The following GALNT17 variants were observed in gnomAD, a reference collection of about 807,000 sequenced individuals.
GALNT17 encodes the protein UDP-GalNAc:polypeptide N-acetylgalactosaminyltransferase-like 3.
GALNT17 carries 29 observed loss-of-function variants against 63.7 expected under a neutral mutation model. The observed-to-expected ratio is 0.46, with a 90% CI of 0.34 to 0.62. The LOEUF is 0.62. Ranked by LOEUF, GALNT17 falls within the 20% of genes least tolerant of loss-of-function variation. The pLI is 0.01. For missense variants in GALNT17, 603 were observed against 799.6 expected (o/e 0.75, Z 2.97); for synonymous variants, 305 against 318.3 (o/e 0.96, Z 0.45).
At chr7:71,478,131 C>T (rs1233265432) in intron 5 of GALNT17, among the ~76,000 whole-genome samples, 1 of 152,112 alleles carries the variant, frequency 6.6e-6, no homozygotes, top group African/African-American at 2.4e-5. Context: ...ATGTTTACGT[C>T]TCTTCTAAAC....
At chr7:71,332,513 G>C (rs1321724752) in intron 1 of GALNT17, among the ~76,000 whole-genome samples, 1 of 151,988 alleles carries the variant, frequency 6.6e-6, no homozygotes, top group Non-Finnish European at 1.5e-5. Flanking sequence ...TTTCTTTCTT[G>C]CAAGGTCACC....
At chr7:71,567,752 C>T (rs375804485) in intron 5 of GALNT17, among the ~76,000 whole-genome samples, 38 of 152,276 alleles carry the variant, frequency 2.5e-4, no homozygotes, top group Middle Eastern at 3.4e-3. Context: ...TGTGAGCCAC[C>T]GCACCCAGCC....
At chr7:71,694,057 G>A (rs1330742050) in intron 9 of GALNT17, among the ~76,000 whole-genome samples, 6 of 152,088 alleles carry the variant, frequency 3.9e-5, no homozygotes, top group African/African-American at 1.2e-4. Flanking sequence ...CACGTGGCTG[G>A]GGAGGCCTCA....
chr7:71,324,527 A>G (rs1302291418), intron 1 of GALNT17, among the ~76,000 whole-genome samples: 1 of 152,148 alleles, frequency 6.6e-6, no homozygotes, highest in African/African-American at 2.4e-5. Context: ...GCATGGTGGC[A>G]TATGCCTGTA....
chr7:71,250,004 T>A (rs1790167042), intron 1 of GALNT17, among the ~76,000 whole-genome samples: 1 of 152,244 alleles, frequency 6.6e-6, no homozygotes, highest in Non-Finnish European at 1.5e-5. Flanking sequence ...AAAATCTGTT[T>A]CCAAGTTTTT....
At chr7:71,382,596 A>C (rs1407007697) in intron 2 of GALNT17, among the ~76,000 whole-genome samples, 3 of 152,090 alleles carry the variant, frequency 2.0e-5, no homozygotes, top group African/African-American at 7.2e-5. Flanking sequence ...AGTAACCGAA[A>C]CGAGGTGGTC....
chr7:71,405,208 CACA>C (rs1451611669), intron 3 of GALNT17, among the ~76,000 whole-genome samples: 1 of 152,208 alleles, frequency 6.6e-6, no homozygotes, highest in African/African-American at 2.4e-5. Context: ...CTTGAGATTT[CACA>C]ACATCACATT....
chr7:71,263,925 A>G (rs1304375056), intron 1 of GALNT17, among the ~76,000 whole-genome samples: 2 of 152,170 alleles, frequency 1.3e-5, no homozygotes. Flanking sequence ...TTCCGTCCCA[A>G]AAAAACAAAA....
rs1055345159 is a variant in GALNT17 at position 71,669,965 on chromosome 7, C to T, written c.1267-7C>T. 3 of 1,613,992 alleles carry T rather than the reference C, an allele frequency of 1.9e-6. No homozygotes were observed. The highest frequency in any genetic ancestry group is 2.5e-6 in the Non-Finnish European group (3 of 1,179,952). On this transcript the variant is annotated splice_region_variant and splice_polypyrimidine_tract_variant and intron_variant, in intron 7 of 10. Coordinates refer to ENST00000333538, the MANE Select transcript of GALNT17 (RefSeq NM_022479.3). ...ACTAACACCCCTTGGCTTCTCTCTC[C>T]TTTCAGAATCCGGGAATTGACATCG...
At chr7:71,202,741 C>T (rs534268292) in intron 1 of GALNT17, among the ~76,000 whole-genome samples, 7 of 152,310 alleles carry the variant, frequency 4.6e-5, no homozygotes, top group East Asian at 1.9e-4. Flanking sequence ...TTATCCCTCC[C>T]GTCAAACCGA....
chr7:71,377,393 C>T (rs1462466209), intron 2 of GALNT17, among the ~76,000 whole-genome samples: 3 of 136,254 alleles, frequency 2.2e-5, no homozygotes, highest in Non-Finnish European at 4.9e-5. Context: ...GCCAGGCTGT[C>T]AAAGAAGACA....
intron 1 of GALNT17, among the ~76,000 whole-genome samples, chr7:71,152,406 C>T (rs1320560667): frequency 1.3e-5 from 2 of 152,052 alleles, no homozygotes; most frequent in South Asian, 2.1e-4. Flanking sequence ...ACCCAAGGGG[C>T]GGAGTAGACT....
intron 1 of GALNT17, among the ~76,000 whole-genome samples, chr7:71,192,878 CT>C (rs1249643464): frequency 6.6e-6 from 1 of 152,030 alleles, no homozygotes; most frequent in African/African-American, 2.4e-5. Flanking sequence ...TCCTTGAATA[CT>C]TCTTGACTGA....
intron 9 of GALNT17, among the ~76,000 whole-genome samples, chr7:71,701,570 G>T (rs1386130146): frequency 6.6e-6 from 1 of 151,502 alleles, no homozygotes; most frequent in African/African-American, 2.4e-5. Flanking sequence ...TCTGGAGGAG[G>T]CACTCCTGGG....
chr7:71,304,754 CT>C (rs549137032), intron 1 of GALNT17, among the ~76,000 whole-genome samples: 178 of 144,934 alleles, frequency 1.2e-3, no homozygotes, highest in Middle Eastern at 3.6e-3. Flanking sequence ...TTTCTTTTTT[CT>C]TTTTTTTTTT....
At chr7:71,437,778 A>T (rs1352032341) in intron 5 of GALNT17, among the ~76,000 whole-genome samples, 1 of 152,170 alleles carries the variant, frequency 6.6e-6, no homozygotes, top group African/African-American at 2.4e-5. Flanking sequence ...GCAGTGGTGC[A>T]ATCATAGCTC....
At chr7:71,620,728 C>A (rs968904391) in intron 6 of GALNT17, among the ~76,000 whole-genome samples, 1 of 152,166 alleles carries the variant, frequency 6.6e-6, no homozygotes, top group Non-Finnish European at 1.5e-5. Context: ...TTTGCCTTTT[C>A]TTTATGCACC....
intron 2 of GALNT17, among the ~76,000 whole-genome samples, chr7:71,339,269 T>A (rs989395769): frequency 2.0e-5 from 3 of 152,224 alleles, no homozygotes; most frequent in African/African-American, 7.2e-5. Context: ...AAGACAGATA[T>A]ACCAGCAGAT....
chr7:71,514,828 G>C (rs1788419975), intron 5 of GALNT17, among the ~76,000 whole-genome samples: 1 of 152,110 alleles, frequency 6.6e-6, no homozygotes, highest in Admixed American at 6.6e-5. Flanking sequence ...ATATGGTTTG[G>C]CTGTGTCCCC....
Sources: allele counts gnomAD v4.1 joint callset (sites outside exome capture counted in the v4.1 genomes callset), GRCh38; gene constraint gnomAD v4.1.1; transcripts MANE v1.5; gene names NCBI Gene and HGNC (gene_info 2026-07-23, HGNC 2026-07-21).